Variants in SMYD3 observed in about 807,000 individuals in gnomAD.
SMYD3 encodes the protein SET and MYND domain containing 3, also known as histone-lysine N-methyltransferase SMYD3.
In SMYD3, 36 loss-of-function variants were observed where a neutral mutation model predicts 57.7. The ratio of observed to expected loss-of-function variants is 0.62; its 90% CI spans 0.48 to 0.82. The LOEUF is 0.82. Among genes scored for constraint, SMYD3 ranks in the 40% least tolerant of loss-of-function variants. The pLI, the probability that SMYD3 is intolerant of heterozygous loss-of-function variation, is 0.00. For missense variants in SMYD3, 515 were observed against 538.8 expected (o/e 0.96, Z 0.44); for synonymous variants, 211 against 195.0 (o/e 1.08, Z -0.68).
intron 1 of SMYD3, among the ~76,000 whole-genome samples, chr1:246,395,708 A>T (rs1558442970): frequency 6.4e-5 from 2 of 31,364 alleles, no homozygotes; most frequent in Non-Finnish European, 2.1e-4. Flanking sequence ...ATGGCTGGAC[A>T]GGGAAGACGA....
chr1:246,175,540 C>G (rs538121767), intron 5 of SMYD3, among the ~76,000 whole-genome samples: 3 of 152,234 alleles, frequency 2.0e-5, no homozygotes, highest in Non-Finnish European at 4.4e-5. Flanking sequence ...AATCTAACTT[C>G]TTAAGTTTGA....
intron 5 of SMYD3, among the ~76,000 whole-genome samples, chr1:245,991,032 T>C (rs1187959076): frequency 6.6e-6 from 1 of 152,140 alleles, no homozygotes; most frequent in Non-Finnish European, 1.5e-5. Context: ...AAAAAGAAAA[T>C]TCTAACAATT....
At chr1:245,763,936 ATGCGTG>A in intron 11 of SMYD3, 99 bp downstream of exon 11, 1 of 805,030 alleles carries the variant, frequency 1.2e-6, no homozygotes, top group East Asian at 2.5e-5. Flanking sequence ...ATGCGTGTGT[ATGCGTG>A]CACACATACA....
intron 5 of SMYD3, among the ~76,000 whole-genome samples, chr1:246,226,917 T>A (rs1011849092): frequency 6.6e-6 from 1 of 152,242 alleles, no homozygotes; most frequent in African/African-American, 2.4e-5. Context: ...ATCTAGTTCA[T>A]CTTCCTTGGT....
intron 5 of SMYD3, among the ~76,000 whole-genome samples, chr1:246,164,334 C>T (rs2062169586): frequency 6.6e-6 from 1 of 152,148 alleles, no homozygotes; most frequent in South Asian, 2.1e-4. Flanking sequence ...GCAGGAGAAT[C>T]ACTTGAACCC....
chr1:246,349,302 T>C (rs1475026732), intron 2 of SMYD3, among the ~76,000 whole-genome samples: 1 of 152,172 alleles, frequency 6.6e-6, no homozygotes, highest in Non-Finnish European at 1.5e-5. Context: ...GCTAAATAAA[T>C]GACATAAGAG....
chr1:246,079,771 A>T (rs1436446826), intron 5 of SMYD3, among the ~76,000 whole-genome samples: 1 of 152,240 alleles, frequency 6.6e-6, no homozygotes, highest in Non-Finnish European at 1.5e-5. Context: ...AAAGTAGGGG[A>T]TGTTAACAAG....
chr1:246,186,798 G>A (rs2062648634), intron 5 of SMYD3: 1 of 985,420 alleles, frequency 1.0e-6, no homozygotes, highest in Non-Finnish European at 1.2e-6. Context: ...CAAGTCGTGG[G>A]AAAGGCTGTA....
rs769846381 is a variant in SMYD3, at chr1:246,507,187, T to C, written c.31A>G (p.Thr11Ala). 77 of 1,527,930 alleles carry C rather than the reference T, an allele frequency of 5.0e-5. No homozygotes were observed. The highest frequency in any genetic ancestry group is 6.7e-5 in the Non-Finnish European group (76 of 1,137,592). The allele number at this position is 1,527,930 out of a possible 1,614,324, so 94.6% of individuals were successfully genotyped here. ...CGCAGCCCGTTTCCCCTCTTGGCGG[T>C]TGCGAACTTTTCCACCTTCAGCGGC... MEPLKVEKFA[T>A]AKRGNGLRAV... Residue 11 changes from threonine (T) to alanine (A), a missense_variant, in exon 1 of 12, where the codon ACC becomes GCC. Coordinates refer to ENST00000490107, the MANE Select transcript of SMYD3 (RefSeq NM_001167740.2).
At chr1:246,173,972 AT>A (rs2062390060) in intron 5 of SMYD3, among the ~76,000 whole-genome samples, 1 of 151,768 alleles carries the variant, frequency 6.6e-6, no homozygotes, top group African/African-American at 2.4e-5. Flanking sequence ...ACACCTGACT[AT>A]TTTTTATTTT....
chr1:245,978,850 T>C (rs2058521673), intron 5 of SMYD3, among the ~76,000 whole-genome samples: 1 of 152,160 alleles, frequency 6.6e-6, no homozygotes, highest in Non-Finnish European at 1.5e-5. Flanking sequence ...ATTATGGGGC[T>C]CAATACTGAG....
intron 1 of SMYD3, among the ~76,000 whole-genome samples, chr1:246,481,624 A>C (rs1392733797): frequency 9.2e-6 from 1 of 109,288 alleles, no homozygotes. Context: ...ACATATATAC[A>C]TACATACATA....
At chr1:246,410,188 C>A (rs1390613801) in intron 1 of SMYD3, among the ~76,000 whole-genome samples, 1 of 152,124 alleles carries the variant, frequency 6.6e-6, no homozygotes. Context: ...ACTGCCCTGG[C>A]CAGAATTTCC....
intron 10 of SMYD3, among the ~76,000 whole-genome samples, chr1:245,814,830 ACACGCACACACATG>A (rs1036510770): frequency 2.7e-5 from 4 of 150,900 alleles, no homozygotes; most frequent in Non-Finnish European, 5.9e-5. Context: ...ACGCACGCAC[ACACGCACACACATG>A]CACGCACACA....
intron 5 of SMYD3, among the ~76,000 whole-genome samples, chr1:246,168,291 G>A (rs2062257493): frequency 6.6e-6 from 1 of 152,116 alleles, no homozygotes; most frequent in South Asian, 2.1e-4. Flanking sequence ...ACTTCCATAA[G>A]GATGGGAAAA....
At chr1:246,346,720 G>A (rs1381561562) in intron 2 of SMYD3, among the ~76,000 whole-genome samples, 9 of 152,100 alleles carry the variant, frequency 5.9e-5, no homozygotes, top group South Asian at 2.1e-4. Context: ...GGTCCCTACC[G>A]CGACACATGG....
intron 5 of SMYD3, among the ~76,000 whole-genome samples, chr1:246,028,806 G>T (rs577887330): frequency 6.6e-5 from 10 of 152,238 alleles, no homozygotes; most frequent in Non-Finnish European, 1.0e-4. Flanking sequence ...AAAACAGGAA[G>T]TATCACACTA....
intron 2 of SMYD3, among the ~76,000 whole-genome samples, chr1:246,344,460 G>A (rs945259954): frequency 2.0e-5 from 3 of 152,168 alleles, no homozygotes; most frequent in African/African-American, 7.2e-5. Context: ...ACAAGTAATA[G>A]TACAGTATGC....
chr1:245,850,997 C>G (rs1016513745), intron 10 of SMYD3, among the ~76,000 whole-genome samples: 1 of 149,032 alleles, frequency 6.7e-6, no homozygotes, highest in African/African-American at 2.5e-5. Context: ...TTTGGGAAAT[C>G]AGAGGCACTA....
Sources: allele counts gnomAD v4.1 joint callset (sites outside exome capture counted in the v4.1 genomes callset), GRCh38; gene constraint gnomAD v4.1.1; transcripts MANE v1.5; gene names NCBI Gene and HGNC (gene_info 2026-07-23, HGNC 2026-07-21).